GABRA3: variants seen among roughly 807,000 people sequenced by gnomAD.
GABRA3 encodes the protein gamma-aminobutyric acid type A receptor subunit alpha3.
In GABRA3, 10 loss-of-function variants were observed where a neutral mutation model predicts 30.1. The ratio of observed to expected loss-of-function variants is 0.33; its 90% confidence interval spans 0.20 to 0.56. The LOEUF is 0.56. Among genes scored for constraint, GABRA3 ranks in the 20% least tolerant of loss-of-function variants. The pLI, the probability that GABRA3 is intolerant of heterozygous loss-of-function variation, is 0.89. For synonymous variants in GABRA3, 151 were observed against 146.8 expected (o/e 1.03, Z -0.21); for missense variants, 233 against 392.0 (o/e 0.59, Z 3.42).
At chrX:152,183,723 G>A (rs1412707077) in intron 9 of GABRA3, among the ~76,000 whole-genome samples, 1 of 110,788 alleles carries the variant, frequency 9.0e-6, no homozygotes, top group Non-Finnish European at 1.9e-5. Context: ...AACTGCTTTG[G>A]CTGCAACTCA....
rs188962448 is a variant in GABRA3 at position 152,305,671 on chromosome X, T to C, written c.263-20936A>G. Among the ~76,000 whole-genome samples, 9 of 111,897 alleles carry C rather than the reference T, an allele frequency of 8.0e-5. No individual in the cohort carries two copies. The Admixed American group carries it at 8.6e-4, about 11-fold the overall frequency. ...TTCCATTCAATGGAACTGTTTTATA[T>C]GTTGATTGTCTTATTAGTGATGATT... is the stretch of plus-strand genomic sequence containing the variant. On this transcript the variant is annotated intron_variant, in intron 3 of 9. Transcript: ENST00000370314.
intron 1 of GABRA3, among the ~76,000 whole-genome samples, chrX:152,373,350 G>A (rs976688574): frequency 1.8e-5 from 2 of 111,386 alleles, no homozygotes; most frequent in Admixed American, 9.5e-5. Flanking sequence ...GAACATACAC[G>A]TGTATGTATC....
chrX:152,239,804 C>T (rs747776595), intron 5 of GABRA3, among the ~76,000 whole-genome samples: 48 of 105,345 alleles, frequency 4.6e-4, no homozygotes, highest in African/African-American at 1.3e-3. Flanking sequence ...TTATCAGAGA[C>T]GAGGATTGCA....
At chrX:152,443,994 C>A (rs1158902307) in intron 1 of GABRA3, among the ~76,000 whole-genome samples, 1 of 110,803 alleles carries the variant, frequency 9.0e-6, no homozygotes, top group African/African-American at 3.3e-5. Context: ...TATATAAACA[C>A]AGAAACACAT....
At chrX:152,170,550 AG>A (rs751308370) in intron 9 of GABRA3, among the ~76,000 whole-genome samples, 1 of 111,903 alleles carries the variant, frequency 8.9e-6, no homozygotes, top group East Asian at 2.8e-4. Flanking sequence ...TCCTGGCTTC[AG>A]GTGATCCTCC....
At chrX:152,247,586 A>G in intron 5 of GABRA3, among the ~76,000 whole-genome samples, 1 of 111,901 alleles carries the variant, frequency 8.9e-6, no homozygotes, top group East Asian at 2.8e-4. Context: ...GATGTTAACA[A>G]TAAAAATGAA....
intron 5 of GABRA3, among the ~76,000 whole-genome samples, chrX:152,234,442 T>C (rs909568699): frequency 1.8e-5 from 2 of 111,006 alleles, no homozygotes; most frequent in Non-Finnish European, 3.8e-5. Context: ...TTTTTGATTA[T>C]ATCTTTTGCT....
At chrX:152,385,611 T>C (rs1190720922) in intron 1 of GABRA3, among the ~76,000 whole-genome samples, 2 of 112,150 alleles carry the variant, frequency 1.8e-5, no homozygotes, top group East Asian at 2.8e-4. Flanking sequence ...ATCCCATTTG[T>C]CAATTTTGGC....
chrX:152,237,074 C>T (rs1938235191), intron 5 of GABRA3, among the ~76,000 whole-genome samples: 1 of 110,004 alleles, frequency 9.1e-6, no homozygotes, highest in Admixed American at 9.8e-5. Context: ...CTTGCCCATG[C>T]CTATGTCCTG....
chrX:152,254,097 T>C (rs1938599162), intron 5 of GABRA3, among the ~76,000 whole-genome samples: 1 of 111,907 alleles, frequency 8.9e-6, no homozygotes, highest in Non-Finnish European at 1.9e-5. Context: ...TTATGTCTCA[T>C]TAATGTTTGC....
chrX:152,260,468 C>G (rs1001082207), intron 4 of GABRA3, among the ~76,000 whole-genome samples: 1 of 110,851 alleles, frequency 9.0e-6, no homozygotes, highest in African/African-American at 3.3e-5. Flanking sequence ...TGACCCAGCA[C>G]AGTCATAGTG....
Position 152,201,969 on chromosome X carries a change from A to G in GABRA3, c.779-4184T>C, listed in dbSNP as rs1030225424. 7.6e-4 allele frequency among the ~76,000 whole-genome samples: 85 copies of G among 112,579 alleles called. 1 individual carries two copies. Among genetic ancestry groups the G allele is most frequent in the African/African-American group, 2.5e-3 (79 of 30,995 alleles). On this transcript the variant is annotated intron_variant, in intron 7 of 9. Transcript: ENST00000370314. Reference sequence around the variant, plus strand: ...ACAAATGATCAAATTTCTAGGAAAGATGGATATATAAGGATCATACATCCA... The same window carrying G: ...ACAAATGATCAAATTTCTAGGAAAGGTGGATATATAAGGATCATACATCCA...
chrX:152,390,247 G>A (rs1188972975), intron 1 of GABRA3, among the ~76,000 whole-genome samples: 3 of 111,993 alleles, frequency 2.7e-5, no homozygotes, highest in African/African-American at 9.7e-5. Flanking sequence ...TAAAGTGTAT[G>A]CTGAGAGTAA....
At chrX:152,323,637 C>A (rs1393222385) in intron 3 of GABRA3, among the ~76,000 whole-genome samples, 2 of 111,982 alleles carry the variant, frequency 1.8e-5, no homozygotes, top group Admixed American at 1.9e-4. Context: ...AATATATTAT[C>A]AGATATATTC....
intron 4 of GABRA3, among the ~76,000 whole-genome samples, chrX:152,279,382 T>G (rs1291534120): frequency 2.0e-4 from 22 of 111,790 alleles, no homozygotes; most frequent in South Asian, 1.1e-3. Context: ...TTTCCCCATT[T>G]CTTGTTTTTG....
At chrX:152,182,415 T>G (rs1318045232) in intron 9 of GABRA3, among the ~76,000 whole-genome samples, 6 of 91,769 alleles carry the variant, frequency 6.5e-5, no homozygotes, top group African/African-American at 2.0e-4. Context: ...ATAGACACAC[T>G]ATATATGCAC....
intron 6 of GABRA3, among the ~76,000 whole-genome samples, chrX:152,215,009 TAC>T (rs769202752): frequency 2.9e-3 from 307 of 105,697 alleles, no homozygotes; most frequent in Admixed American, 5.0e-3. Flanking sequence ...CATATATATA[TAC>T]ACACACATAT....
intron 3 of GABRA3, among the ~76,000 whole-genome samples, chrX:152,285,817 C>G (rs181588365): frequency 9.2e-6 from 1 of 108,970 alleles, no homozygotes; most frequent in Non-Finnish European, 1.9e-5. Flanking sequence ...TATAAGAGCA[C>G]TAATCCCAAT....
intron 1 of GABRA3, among the ~76,000 whole-genome samples, chrX:152,401,425 C>T (rs748988706): frequency 9.1e-6 from 1 of 110,229 alleles, no homozygotes; most frequent in East Asian, 2.9e-4. Flanking sequence ...ATGTATTTTG[C>T]CATTCATTAT....
Sources: allele counts gnomAD v4.1 joint callset (sites outside exome capture counted in the v4.1 genomes callset), GRCh38; gene constraint gnomAD v4.1.1; transcripts MANE v1.5; gene names NCBI Gene and HGNC (gene_info 2026-07-23, HGNC 2026-07-21).